The following FASTKD2 variants were observed in gnomAD, a reference collection of about 807,000 sequenced individuals.
FASTKD2 encodes FAST kinase domain-containing protein 2, mitochondrial.
FASTKD2 carries 51 observed loss-of-function variants against 63.6 expected under a neutral mutation model. That is an observed-to-expected ratio of 0.80 (90% CI 0.64 to 1.01). The LOEUF is 1.01. Among genes scored for constraint, FASTKD2 ranks in the 50% least tolerant of loss-of-function variants. FASTKD2 has a pLI of 0.00. For synonymous variants in FASTKD2, 284 were observed against 293.4 expected, an observed-to-expected ratio of 0.97 and a Z score of 0.33; for missense variants, 786 against 831.1, an observed-to-expected ratio of 0.95 and a Z score of 0.67.
rs1337307502 is a variant in FASTKD2 at position 206,767,392 on chromosome 2, G to A, written c.699G>A (p.Leu233=). 1 of 1,613,832 alleles carries A rather than the reference G, an allele frequency of 6.2e-7. No individual in the cohort carries two copies. Among genetic ancestry groups the A allele is most frequent in the Admixed American group, 1.7e-5 (1 of 60,028 alleles). The change falls in exon 2 of 12, where the codon CTG becomes CTA. Residue 233 remains leucine, a synonymous_variant. Transcript: ENST00000402774. ...EAKIMQYKYL[L]FSLHAIVKLG... Reference sequence around the variant, plus strand: ...AGATCATGCAGTATAAGTACCTACTGTTCAGTCTTCACGCCATAGTGAAGC... The same window carrying A: ...AGATCATGCAGTATAAGTACCTACTATTCAGTCTTCACGCCATAGTGAAGC...
chr2:206,766,450 T>C (rs990400757), intron 1 of FASTKD2, among the ~76,000 whole-genome samples, 194 bp from the exon 2 acceptor site: 1 of 152,128 alleles, frequency 6.6e-6, no homozygotes, highest in African/African-American at 2.4e-5. Flanking sequence ...CAAAGTGACC[T>C]GGCTTCTTTG....
At position 206,791,689 on chromosome 2, in the gene FASTKD2, A is replaced by G. The variant is rs1433932149; in HGVS notation, c.2020A>G (p.Asn674Asp). The change falls in exon 12 of 12, where the codon AAC (asparagine) becomes GAC (aspartate). Residue 674 changes from asparagine to aspartate, a missense_variant. Physicochemically the swap from Asn to Asp is conservative, Grantham distance 23. Coordinates refer to ENST00000402774, the MANE Select transcript of FASTKD2 (RefSeq NM_001136193.2). Reference sequence around the variant, plus strand: ...TTCCTCTTTCTTTGGTAAGGTCAATAACTGGGAGATGGACAAACTAGAGAT... The same window carrying G: ...TTCCTCTTTCTTTGGTAAGGTCAATGACTGGGAGATGGACAAACTAGAGAT... ...AMGFHVILVN[N>D]WEMDKLEMED... is the part of the protein sequence containing the mutation. 7 of 1,612,890 alleles carry G rather than the reference A, an allele frequency of 4.3e-6. No homozygotes were observed. Among genetic ancestry groups the G allele is most frequent in the African/African-American group, 4.0e-5 (3 of 74,910 alleles).
Position 206,766,847 on chromosome 2 carries a change from A to G in FASTKD2, c.154A>G (p.Lys52Glu), listed in dbSNP as rs547620965. 1 of 1,608,532 alleles carries G rather than the reference A, an allele frequency of 6.2e-7. No homozygotes were observed. Among genetic ancestry groups the G allele is most frequent in the Non-Finnish European group, 8.5e-7 (1 of 1,176,944 alleles). The change falls in exon 2 of 12, where the codon AAA becomes GAA. Residue 52 changes from lysine to glutamate, a missense_variant. By Grantham distance (56) the Lys-to-Glu change is moderately conservative. Transcript: ENST00000402774. ...RLCCLGLCKP[K>E]IVHSNWNILN... ...ATGTTGTTTGGGACTTTGCAAACCA[A>G]AAATAGTTCATTCAAACTGGAACAT... is the stretch of plus-strand genomic sequence containing the variant.
At chr2:206,768,193 T>C (rs1031700419) in intron 2 of FASTKD2, among the ~76,000 whole-genome samples, 2 of 152,206 alleles carry the variant, frequency 1.3e-5, no homozygotes, top group African/African-American at 4.8e-5. Flanking sequence ...GTTGACGTGC[T>C]CAAATTTGTA....
At chr2:206,777,329 T>TA (rs1354145975) in intron 7 of FASTKD2, among the ~76,000 whole-genome samples, 8 of 152,142 alleles carry the variant, frequency 5.3e-5, no homozygotes, top group African/African-American at 1.9e-4. Flanking sequence ...TGGTCTTACT[T>TA]ACGGTGAGGC....
intron 7 of FASTKD2, among the ~76,000 whole-genome samples, chr2:206,783,662 A>G (rs1430871544): frequency 6.6e-6 from 1 of 152,184 alleles, no homozygotes; most frequent in East Asian, 1.9e-4. Flanking sequence ...AACTTGTTCC[A>G]ACAAAATTGT....
At chr2:206,766,420 A>T (rs1406572270) in intron 1 of FASTKD2, among the ~76,000 whole-genome samples, 1 of 152,152 alleles carries the variant, frequency 6.6e-6, no homozygotes, top group Non-Finnish European at 1.5e-5. Flanking sequence ...GAAAAATCTC[A>T]TTAATACAAT....
chr2:206,784,636 C>T (rs1282715137), intron 7 of FASTKD2, among the ~76,000 whole-genome samples: 1 of 152,118 alleles, frequency 6.6e-6, no homozygotes, highest in Non-Finnish European at 1.5e-5. Flanking sequence ...TAGTGTGCTC[C>T]TTAACTCCAG....
At chr2:206,776,554 T>G (rs901228993) in intron 7 of FASTKD2, among the ~76,000 whole-genome samples, 2 of 152,038 alleles carry the variant, frequency 1.3e-5, no homozygotes, top group Non-Finnish European at 2.9e-5. Context: ...TTTGTGTATG[T>G]TATAAAATAA....
In FASTKD2 at chr2:206,791,792, G is replaced by A. The variant is rs1559367835; in HGVS notation, c.2123G>A (p.Ser708Asn). ...ALPVAAVNVQ[S>N]TQ The stretch of plus-strand genomic sequence containing the variant: ...CCTGTTGCTGCTGTAAATGTGCAAA[G>A]CACACAATAAAGTGAAAATCAACCT... Residue 708 changes from serine (S) to asparagine (N), a missense_variant, in exon 12 of 12, where the codon AGC (serine) becomes AAC (asparagine). Transcript: ENST00000402774. 6 of 1,612,626 alleles carry A rather than the reference G, an allele frequency of 3.7e-6. No homozygotes were observed. In the Admixed American group the frequency reaches 1.0e-4, roughly 27 times the overall value.
At chr2:206,778,117 G>T (rs1689872664) in intron 7 of FASTKD2, among the ~76,000 whole-genome samples, 1 of 151,170 alleles carries the variant, frequency 6.6e-6, no homozygotes, top group South Asian at 2.1e-4. Context: ...TCGTTTTGTT[G>T]GTTTTTTCTA....
At chr2:206,767,640 C>T (rs76549469) in intron 2 of FASTKD2, among the ~76,000 whole-genome samples, 170 bp downstream of exon 2, 1 of 151,680 alleles carries the variant, frequency 6.6e-6, no homozygotes, top group South Asian at 2.1e-4. Context: ...CTTAAGTTAG[C>T]TATTTTCTTC....
chr2:206,767,952 A>C (rs1689570414), intron 2 of FASTKD2, among the ~76,000 whole-genome samples: 1 of 152,206 alleles, frequency 6.6e-6, no homozygotes, highest in African/African-American at 2.4e-5. Flanking sequence ...AAGAGCTGAA[A>C]GTAGTTTGGT....
intron 7 of FASTKD2, among the ~76,000 whole-genome samples, chr2:206,777,536 G>A (rs1272040131): frequency 6.6e-6 from 1 of 152,000 alleles, no homozygotes; most frequent in African/African-American, 2.4e-5. Context: ...TTTATTCATG[G>A]TGTATGATCC....
chr2:206,767,456 C>A lies in FASTKD2; in HGVS notation c.763C>A (p.Leu255Met). ...PQNTILVQTL[L>M]RVTQERINEC... is the part of the protein sequence containing the mutation. ...GAACACTATTTTGGTGCAGACTTTG[C>A]TGAGGGTGACCCAGGTAAAATAAAA... The change falls in exon 2 of 12, where the codon CTG becomes ATG. Residue 255 changes from leucine (L) to methionine (M), a missense_variant. Coordinates refer to ENST00000402774, the MANE Select transcript of FASTKD2 (RefSeq NM_001136193.2). 1.9e-6 allele frequency: 3 copies of A among 1,610,522 alleles called. No homozygotes were observed. The highest frequency in any genetic ancestry group is 1.3e-5 in the African/African-American group (1 of 75,020).
chr2:206,781,558 C>T (rs1689979180), intron 7 of FASTKD2, among the ~76,000 whole-genome samples: 1 of 151,934 alleles, frequency 6.6e-6, no homozygotes, highest in East Asian at 1.9e-4. Context: ...TCAGGTGATC[C>T]ACCCACCTTG....
At chr2:206,768,386 C>T (rs932954398) in intron 2 of FASTKD2, among the ~76,000 whole-genome samples, 1 of 152,088 alleles carries the variant, frequency 6.6e-6, no homozygotes, top group South Asian at 2.1e-4. Context: ...ACACTTCTGA[C>T]GTATAAACTC....
At chr2:206,773,914 C>G (rs1689753134) in intron 6 of FASTKD2, among the ~76,000 whole-genome samples, 1 of 152,066 alleles carries the variant, frequency 6.6e-6, no homozygotes, top group African/African-American at 2.4e-5. Context: ...AAGTAATTTT[C>G]AGATATGTTG....
Position 206,788,838 on chromosome 2 carries a change from C to T in FASTKD2, c.1833C>T (p.Asp611=). The change falls in exon 10 of 12, where the codon GAC becomes GAT. Residue 611 remains aspartate (D), a synonymous_variant. Coordinates refer to ENST00000402774, the MANE Select transcript of FASTKD2 (RefSeq NM_001136193.2). ...TTTCAGATTTTGAAATCAGAATGGA[C>T]ACTAACAGGAATCAAGTGCTACCAC... ...NYHIDFEIRM[D]TNRNQVLPLS... 1.3e-6 allele frequency: 2 copies of T among 1,555,904 alleles called. No individual in the cohort carries two copies. The highest frequency in any genetic ancestry group is 1.8e-6 in the Non-Finnish European group (2 of 1,127,886).
Sources: gnomAD v4.1 joint callset for allele counts (sites outside exome capture counted in the v4.1 genomes callset) on GRCh38, gnomAD v4.1.1 for gene constraint, MANE v1.5 for transcripts, NCBI Gene and HGNC (gene_info 2026-07-23, HGNC 2026-07-21) for gene names.